ANKRD11: variants seen among roughly 807,000 people sequenced by gnomAD.
The protein encoded by ANKRD11 is ankyrin repeat domain-containing protein 11.
In ANKRD11, 17 loss-of-function variants were observed where a neutral mutation model predicts 195.7. The ratio of observed to expected loss-of-function variants is 0.09; its 90% CI spans 0.06 to 0.13. ANKRD11 has a LOEUF of 0.13. Among genes scored for constraint, ANKRD11 ranks in the 10% least tolerant of loss-of-function variants. The pLI, the probability that ANKRD11 is intolerant of heterozygous loss-of-function variation, is 1.00. For missense variants in ANKRD11, 3,735 were observed against 3,566.1 expected (o/e 1.05, Z -1.21); for synonymous variants, 1,953 against 1,528.1 (o/e 1.28, Z -6.49).
At chr16:89,402,157 T>G (rs932559795) in intron 2 of ANKRD11, among the ~76,000 whole-genome samples, 3 of 152,106 alleles carry the variant, frequency 2.0e-5, no homozygotes, top group African/African-American at 7.2e-5. Context: ...TGTGTAACTT[T>G]TAGAGTAAGG....
At chr16:89,371,640 G>A (rs887198601) in intron 2 of ANKRD11, among the ~76,000 whole-genome samples, 4 of 152,158 alleles carry the variant, frequency 2.6e-5, no homozygotes, top group African/African-American at 9.7e-5. Flanking sequence ...CGACACCCAA[G>A]GAGGGGTGTG....
chr16:89,280,252 G>T lies in ANKRD11; in HGVS notation c.6290C>A (p.Pro2097His). 1 of 1,608,626 alleles carries T rather than the reference G, an allele frequency of 6.2e-7. No individual in the cohort carries two copies. Residue 2097 changes from proline (P) to histidine (H), a missense_variant, in exon 9 of 13, where the codon CCC (proline) becomes CAC (histidine). Physicochemically the swap from Pro to His is moderately conservative, Grantham distance 77 (BLOSUM62 -2). Transcript: ENST00000301030. Reference protein sequence around the residue: ...AAVAQVEALGPLENSFLDGSR... With the variant: ...AAVAQVEALGHLENSFLDGSR... Reference sequence around the variant, plus strand: ...GCCGTCCAGGAAGCTATTTTCCAGGGGCCCCAGAGCCTCCACCTGAGCCAC... The same window carrying T: ...GCCGTCCAGGAAGCTATTTTCCAGGTGCCCCAGAGCCTCCACCTGAGCCAC...
chr16:89,414,098 T>G (rs1313819391), intron 2 of ANKRD11, among the ~76,000 whole-genome samples: 4 of 152,198 alleles, frequency 2.6e-5, no homozygotes, highest in Admixed American at 2.6e-4. Context: ...GACTGCGCAC[T>G]CGGGGACACT....
Position 89,284,159 on chromosome 16 carries a change from A to G in ANKRD11, c.2383T>C (p.Phe795Leu), listed in dbSNP as rs770628765. 7 of 1,604,540 alleles carry G rather than the reference A, an allele frequency of 4.4e-6. No homozygotes were observed. The highest frequency in any genetic ancestry group is 8.5e-7 in the Non-Finnish European group (1 of 1,177,304). The change falls in exon 9 of 13, where the codon TTT (phenylalanine) becomes CTT (leucine). Residue 795 changes from phenylalanine (F) to leucine (L), a missense_variant. Phe to Leu is a conservative substitution (Grantham distance 22, BLOSUM62 0). Transcript: ENST00000301030. The stretch of plus-strand genomic sequence containing the variant: ...TTGAGTTTTTCTTTATCTTCTTTAA[A>G]AATCTTCTCCTTCTCTTTTGAAATT... ...DKISKEKEKIFKEDKEKLKKE... is the reference protein window; with the variant it reads ...DKISKEKEKILKEDKEKLKKE...
intron 2 of ANKRD11, among the ~76,000 whole-genome samples, chr16:89,404,609 G>T (rs2041833905): frequency 6.6e-6 from 1 of 152,232 alleles, no homozygotes; most frequent in Non-Finnish European, 1.5e-5. Flanking sequence ...TCAGGCTAAT[G>T]CCTAGGTCAG....
chr16:89,437,506 T>C (rs1219870620), intron 1 of ANKRD11, among the ~76,000 whole-genome samples: 1 of 151,960 alleles, frequency 6.6e-6, no homozygotes, highest in Non-Finnish European at 1.5e-5. Context: ...GAGCAGCCCC[T>C]CACTTCCCAG....
chr16:89,434,499 C>G (rs1290969436), intron 1 of ANKRD11, among the ~76,000 whole-genome samples: 1 of 152,218 alleles, frequency 6.6e-6, no homozygotes, highest in African/African-American at 2.4e-5. Context: ...CCGCGCAGTC[C>G]TGTGCCTCAC....
At chr16:89,298,531 G>A (rs1048346988) in intron 4 of ANKRD11, among the ~76,000 whole-genome samples, 1 of 152,196 alleles carries the variant, frequency 6.6e-6, no homozygotes, top group African/African-American at 2.4e-5. Flanking sequence ...GGTAGCAGAC[G>A]GCCCCTGCCC....
Position 89,384,885 on chromosome 16 carries a change from T to C in ANKRD11, c.-60+33399A>G, listed in dbSNP as rs1003657853. Reference sequence around the variant, plus strand: ...CACAATGAGAAATAGTTTTCTTTTTTTTTTTTTTTTTTTTTTTTTTTTGAG... The same window carrying C: ...CACAATGAGAAATAGTTTTCTTTTTCTTTTTTTTTTTTTTTTTTTTTTGAG... On this transcript the variant is annotated intron_variant, in intron 2 of 12. Transcript: ENST00000301030. Among the ~76,000 whole-genome samples, 99 of 109,986 alleles carry C rather than the reference T, an allele frequency of 9.0e-4. 1 individual carries two copies. Among genetic ancestry groups the C allele is most frequent in the African/African-American group, 3.6e-3 (96 of 26,414 alleles). 72.2% of individuals were successfully genotyped at this position (109,986 alleles called of 152,430 possible). A position where few individuals can be genotyped will look rare whatever the true frequency, so the allele number is the denominator to read the frequency against.
chr16:89,313,743 C>G (rs1046856417), intron 3 of ANKRD11, among the ~76,000 whole-genome samples: 1 of 152,184 alleles, frequency 6.6e-6, no homozygotes, highest in Non-Finnish European at 1.5e-5. Context: ...CACTTCCTCC[C>G]TAAGGAATAC....
intron 2 of ANKRD11, among the ~76,000 whole-genome samples, chr16:89,350,120 G>A (rs2039142226): frequency 6.6e-6 from 1 of 152,126 alleles, no homozygotes. Flanking sequence ...TTTGTCACTA[G>A]GGCACTGGAA....
At chr16:89,429,949 G>C (rs2042904313) in intron 1 of ANKRD11, among the ~76,000 whole-genome samples, 1 of 99,626 alleles carries the variant, frequency 1.0e-5, no homozygotes, top group African/African-American at 4.4e-5. Flanking sequence ...CTCGCGCTCA[G>C]ACGTTCTAGT....
chr16:89,271,031 C>T (rs1484432985), intron 11 of ANKRD11, 122 bp from the exon 12 acceptor site: 1 of 843,424 alleles, frequency 1.2e-6, no homozygotes, highest in East Asian at 2.7e-5. Flanking sequence ...GAGCCTCATT[C>T]CACCGCGCAC....
chr16:89,435,363 A>G (rs2152279541), intron 1 of ANKRD11, among the ~76,000 whole-genome samples: 1 of 152,330 alleles, frequency 6.6e-6, no homozygotes, highest in Middle Eastern at 3.4e-3. Context: ...ATGAGCCAGC[A>G]GCAGCAACCC....
intron 2 of ANKRD11, among the ~76,000 whole-genome samples, chr16:89,414,793 C>T (rs1160072950): frequency 1.3e-5 from 2 of 152,202 alleles, no homozygotes; most frequent in African/African-American, 4.8e-5. Flanking sequence ...ACCTAAGTCA[C>T]GCCCAGATGG....
intron 2 of ANKRD11, among the ~76,000 whole-genome samples, chr16:89,340,308 C>T (rs1351303777): frequency 1.3e-5 from 2 of 152,232 alleles, no homozygotes; most frequent in Non-Finnish European, 2.9e-5. Context: ...GACGGAGTCT[C>T]GCTCTGTCGC....
chr16:89,407,416 C>G (rs369910034), intron 2 of ANKRD11, among the ~76,000 whole-genome samples: 154 of 152,286 alleles, frequency 1.0e-3, no homozygotes, highest in African/African-American at 3.5e-3. Flanking sequence ...GGGCTGCCTC[C>G]CCAGGCCCTT....
In ANKRD11 at chr16:89,281,183, G is replaced by A. The variant is rs750086920; in HGVS notation, c.5359C>T (p.Leu1787Phe). 1.9e-6 allele frequency: 3 copies of A among 1,614,112 alleles called. No homozygotes were observed. The highest frequency in any genetic ancestry group is 2.5e-6 in the Non-Finnish European group (3 of 1,180,042). ...QAPARPLSTNLYRSVSVDIRR... is the reference protein window; with the variant it reads ...QAPARPLSTNFYRSVSVDIRR... ...ATGTCGACAGAGACCGAGCGGTAAA[G>A]GTTTGTGGAGAGAGGCCTGGCAGGA... Residue 1787 changes from leucine to phenylalanine, a missense_variant, in exon 9 of 13, where the codon CTT becomes TTT. Transcript: ENST00000301030. The surrounding 1 kb of genome is among the most constrained non-coding windows in gnomAD (Gnocchi z 5.5).
Position 89,422,451 on chromosome 16 carries a change from G to A in ANKRD11, c.-144-4083C>T, listed in dbSNP as rs147572608. ...ACACAGTAACCACCCTGGTCTCATC[G>A]GTAAACAAGGCATCCACGGACTGAG... On this transcript the variant is annotated intron_variant, in intron 1 of 12. Coordinates refer to ENST00000301030, the MANE Select transcript of ANKRD11 (RefSeq NM_013275.6). Among the ~76,000 whole-genome samples, 39 of 152,248 alleles carry A rather than the reference G, an allele frequency of 2.6e-4. 1 individual carries two copies. In the East Asian group the frequency reaches 7.3e-3, roughly 29 times the overall value.
Sources: allele counts gnomAD v4.1 joint callset (sites outside exome capture counted in the v4.1 genomes callset), GRCh38; gene constraint gnomAD v4.1.1; non-coding constraint Gnocchi (gnomAD v3.1); transcripts MANE v1.5; gene names NCBI Gene and HGNC (gene_info 2026-07-23, HGNC 2026-07-21).